Variants in KATNIP observed in about 807,000 individuals in gnomAD.
KATNIP encodes the protein katanin-interacting protein.
Under a neutral mutation model 174.0 loss-of-function variants are expected in KATNIP, and 126 were observed. That is an observed-to-expected ratio of 0.72 (90% CI 0.63 to 0.84). KATNIP has a LOEUF of 0.84. Ranked by LOEUF, KATNIP falls within the 40% of genes least tolerant of loss-of-function variation. The pLI is 0.00. For synonymous variants in KATNIP, 810 were observed against 835.7 expected (o/e 0.97, Z 0.53); for missense variants, 1,958 against 2,109.7 (o/e 0.93, Z 1.41).
intron 20 of KATNIP, among the ~76,000 whole-genome samples, chr16:27,768,977 A>C (rs2082209552): frequency 6.6e-6 from 1 of 152,250 alleles, no homozygotes; most frequent in Non-Finnish European, 1.5e-5. Flanking sequence ...GAAATCAGAG[A>C]GTGATGGCTG....
intron 2 of KATNIP, among the ~76,000 whole-genome samples, chr16:27,601,848 TCTA>T (rs984804852): frequency 3.9e-5 from 6 of 152,284 alleles, no homozygotes; most frequent in African/African-American, 1.4e-4. Flanking sequence ...GGAATGATCA[TCTA>T]CTCAGACAGC....
chr16:27,754,166 T>C lies in KATNIP; in HGVS notation c.3553-7T>C, dbSNP rs1439510166. On this transcript the variant is annotated splice_region_variant and splice_polypyrimidine_tract_variant and intron_variant, in intron 17 of 27. Coordinates refer to ENST00000261588, the MANE Select transcript of KATNIP (RefSeq NM_015202.5). ...CCTTTTCCTCTGCTTCTCCAACCCATGTGCAGATCCCGGAGCTAGAGCTCC... is the reference window on the plus strand; with the variant it reads ...CCTTTTCCTCTGCTTCTCCAACCCACGTGCAGATCCCGGAGCTAGAGCTCC... 5.0e-6 allele frequency: 8 copies of C among 1,613,472 alleles called. No homozygotes were observed. The highest frequency in any genetic ancestry group is 5.1e-6 in the Non-Finnish European group (6 of 1,179,434).
chr16:27,645,620 G>A (rs2076935161), intron 5 of KATNIP, among the ~76,000 whole-genome samples: 1 of 152,136 alleles, frequency 6.6e-6, no homozygotes. Flanking sequence ...TGGTGGCATG[G>A]GTGGGTGGTG....
intron 13 of KATNIP, among the ~76,000 whole-genome samples, chr16:27,715,276 T>C (rs2079879275): frequency 1.3e-5 from 2 of 152,202 alleles, no homozygotes; most frequent in Non-Finnish European, 2.9e-5. Flanking sequence ...ATATGCCTTA[T>C]GCAAAACTAA....
intron 27 of KATNIP, among the ~76,000 whole-genome samples, 162 bp downstream of exon 27, chr16:27,778,131 A>T (rs1168381954): frequency 6.6e-6 from 1 of 152,082 alleles, no homozygotes; most frequent in Non-Finnish European, 1.5e-5. Context: ...ACTGAAGAGG[A>T]TGGAACCAGG....
At chr16:27,666,222 T>G (rs1425760399) in intron 6 of KATNIP, among the ~76,000 whole-genome samples, 1 of 152,214 alleles carries the variant, frequency 6.6e-6, no homozygotes, top group Non-Finnish European at 1.5e-5. Flanking sequence ...AGTGATGCAC[T>G]TTAGAGGCTG....
intron 5 of KATNIP, among the ~76,000 whole-genome samples, chr16:27,635,190 A>G (rs2076598142): frequency 6.6e-6 from 1 of 152,256 alleles, no homozygotes; most frequent in South Asian, 2.1e-4. Flanking sequence ...AATAATGGGA[A>G]TGCTAATGGT....
At chr16:27,652,026 T>C (rs1224189262) in intron 6 of KATNIP, among the ~76,000 whole-genome samples, 1 of 152,182 alleles carries the variant, frequency 6.6e-6, no homozygotes, top group Non-Finnish European at 1.5e-5. Context: ...AGGCAAGGGT[T>C]CCACATTCTT....
intron 10 of KATNIP, among the ~76,000 whole-genome samples, 198 bp downstream of exon 10, chr16:27,699,797 C>T (rs1028758350): frequency 6.6e-6 from 1 of 152,196 alleles, no homozygotes; most frequent in Non-Finnish European, 1.5e-5. Flanking sequence ...TTTCACAGAT[C>T]GGGAGACCAG....
intron 2 of KATNIP, among the ~76,000 whole-genome samples, chr16:27,604,708 C>T (rs950673203): frequency 1.3e-5 from 2 of 152,132 alleles, no homozygotes; most frequent in African/African-American, 4.8e-5. Flanking sequence ...AAGTCAACAC[C>T]ACCCACCTCC....
intron 1 of KATNIP, among the ~76,000 whole-genome samples, chr16:27,560,515 G>T (rs896684710): frequency 6.6e-6 from 1 of 152,062 alleles, no homozygotes; most frequent in East Asian, 1.9e-4. Context: ...GGCCTCCTTT[G>T]CAGGCATCTG....
intron 14 of KATNIP, among the ~76,000 whole-genome samples, chr16:27,725,199 T>G (rs980697722): frequency 6.6e-6 from 1 of 152,232 alleles, no homozygotes; most frequent in Non-Finnish European, 1.5e-5. Flanking sequence ...AAATATTCAA[T>G]GCATGAATGA....
chr16:27,631,350 G>A (rs2076483064), intron 5 of KATNIP, 188 bp downstream of exon 5: 2 of 546,704 alleles, frequency 3.7e-6, no homozygotes, highest in Non-Finnish European at 6.5e-6. Context: ...GACCAGCTTG[G>A]GCAACAAAGT....
intron 6 of KATNIP, among the ~76,000 whole-genome samples, chr16:27,660,565 C>T (rs1203604699): frequency 6.6e-6 from 1 of 151,574 alleles, no homozygotes; most frequent in Non-Finnish European, 1.5e-5. Context: ...AACAAAACAA[C>T]AACAACAACA....
intron 2 of KATNIP, among the ~76,000 whole-genome samples, chr16:27,605,116 G>A (rs1186666764): frequency 6.6e-6 from 1 of 151,834 alleles, no homozygotes; most frequent in Non-Finnish European, 1.5e-5. Flanking sequence ...TTTTTTTAGT[G>A]GAGATGGGGT....
At chr16:27,753,310 C>T (rs536776009) in intron 17 of KATNIP, among the ~76,000 whole-genome samples, 7 of 152,304 alleles carry the variant, frequency 4.6e-5, no homozygotes, top group African/African-American at 1.7e-4. Context: ...GGCCACAAGC[C>T]GTGCCTGTGC....
At chr16:27,599,912 G>A (rs578042697) in intron 2 of KATNIP, among the ~76,000 whole-genome samples, 3 of 152,210 alleles carry the variant, frequency 2.0e-5, no homozygotes, top group East Asian at 1.9e-4. Context: ...GCCTTAGCAC[G>A]CCTCCACTTT....
At chr16:27,596,180 G>A (rs1244012893) in intron 2 of KATNIP, among the ~76,000 whole-genome samples, 2 of 152,202 alleles carry the variant, frequency 1.3e-5, no homozygotes, top group Non-Finnish European at 2.9e-5. Context: ...GGCAGTGGCT[G>A]CTGCACAATC....
chr16:27,715,600 T>C (rs2079897813), intron 13 of KATNIP, among the ~76,000 whole-genome samples: 1 of 152,072 alleles, frequency 6.6e-6, no homozygotes, highest in African/African-American at 2.4e-5. Context: ...GACAAAAAGA[T>C]GAACAACCCA....
Sources: allele counts gnomAD v4.1 joint callset (sites outside exome capture counted in the v4.1 genomes callset), GRCh38; gene constraint gnomAD v4.1.1; transcripts MANE v1.5; gene names NCBI Gene and HGNC (gene_info 2026-07-23, HGNC 2026-07-21).